The following DIP2B variants were observed in gnomAD, a reference collection of about 807,000 sequenced individuals.
DIP2B encodes the protein disco-interacting protein 2 homolog B.
Under a neutral mutation model 198.0 loss-of-function variants are expected in DIP2B, and 76 were observed. That is an observed-to-expected ratio of 0.38 (90% CI 0.32 to 0.46). The LOEUF (loss-of-function observed/expected upper bound fraction) is 0.46. Among genes scored for constraint, DIP2B ranks in the 20% least tolerant of loss-of-function variants. The pLI, the probability that DIP2B is intolerant of heterozygous loss-of-function variation, is 0.99. For synonymous variants in DIP2B, 701 were observed against 739.1 expected (o/e 0.95, Z 0.84); for missense variants, 1,559 against 1,978.4 (o/e 0.79, Z 4.02).
intron 2 of DIP2B, among the ~76,000 whole-genome samples, chr12:50,635,312 T>TTTTC (rs765761003): frequency 2.2e-4 from 34 of 152,332 alleles, no homozygotes; most frequent in Non-Finnish European, 3.7e-4. Context: ...ACCTTTCACA[T>TTTTC]TTTCTTTCTT....
At chr12:50,735,047 A>G (rs1940111932) in intron 33 of DIP2B, 26 bp from the exon 34 acceptor site, 4 of 1,613,882 alleles carry the variant, frequency 2.5e-6, no homozygotes, top group Admixed American at 1.7e-5. Context: ...AAAGCCCTAT[A>G]TATAGTAAAT....
intron 2 of DIP2B, among the ~76,000 whole-genome samples, chr12:50,628,366 G>A (rs1042821718): frequency 6.6e-6 from 1 of 151,952 alleles, no homozygotes; most frequent in Non-Finnish European, 1.5e-5. Context: ...GCAAGACTCC[G>A]TCTCAAAAAT....
In DIP2B at chr12:50,532,223, T is replaced by TA. The variant is rs1958224628; in HGVS notation, c.100+26985dup. 2.0e-5 allele frequency among the ~76,000 whole-genome samples: 3 copies of TA among 152,088 alleles called. No individual in the cohort carries two copies. The South Asian group carries it at 6.2e-4, about 31-fold the overall frequency. ...TTATGAGTATTCTCTGAGTTAAAAA[T>TA]AAGAGTGTTGGCCGGGTGCGGTGGC... On this transcript the variant is annotated intron_variant, in intron 1 of 37. Coordinates refer to ENST00000301180, the MANE Select transcript of DIP2B (RefSeq NM_173602.3).
intron 4 of DIP2B, among the ~76,000 whole-genome samples, chr12:50,665,200 C>A (rs1284993782): frequency 2.0e-5 from 3 of 152,042 alleles, no homozygotes; most frequent in Admixed American, 6.5e-5. Context: ...TCCTTTTAAC[C>A]TACTTTAATA....
chr12:50,531,923 A>G (rs946625504), intron 1 of DIP2B, among the ~76,000 whole-genome samples: 1 of 152,252 alleles, frequency 6.6e-6, no homozygotes, highest in Admixed American at 6.5e-5. Context: ...AATTATGTTA[A>G]GAAGGTAGAG....
At chr12:50,691,214 A>G (rs1206298739) in intron 13 of DIP2B, 63 bp downstream of exon 13, 10 of 1,380,116 alleles carry the variant, frequency 7.2e-6, no homozygotes, top group African/African-American at 2.9e-5. Flanking sequence ...TGTGAGCACA[A>G]TGCTCAGTGA....
chr12:50,568,060 G>C (rs908453690), intron 1 of DIP2B, among the ~76,000 whole-genome samples: 3 of 152,130 alleles, frequency 2.0e-5, no homozygotes, highest in Non-Finnish European at 2.9e-5. Context: ...GTTAAGTTCA[G>C]ATCTCGAGTT....
At chr12:50,643,556 C>G (rs1938298564) in intron 3 of DIP2B, among the ~76,000 whole-genome samples, 1 of 151,818 alleles carries the variant, frequency 6.6e-6, no homozygotes, top group Non-Finnish European at 1.5e-5. Context: ...GTCCTGCAAT[C>G]CTATCAGGAG....
intron 1 of DIP2B, among the ~76,000 whole-genome samples, chr12:50,536,899 G>A (rs1324945837): frequency 6.7e-6 from 1 of 149,782 alleles, no homozygotes; most frequent in Non-Finnish European, 1.5e-5. Context: ...CTGTCTTAAT[G>A]CAAGGCATAT....
At chr12:50,644,321 A>G (rs917821243) in intron 3 of DIP2B, among the ~76,000 whole-genome samples, 6 of 152,224 alleles carry the variant, frequency 3.9e-5, no homozygotes, top group African/African-American at 1.4e-4. Context: ...ATGGAAAGTG[A>G]TCTTATTGTA....
intron 1 of DIP2B, among the ~76,000 whole-genome samples, chr12:50,514,535 CTCTCA>C (rs1435810849): frequency 6.6e-6 from 1 of 152,186 alleles, no homozygotes; most frequent in Non-Finnish European, 1.5e-5. Flanking sequence ...CATGTTCTTA[CTCTCA>C]TCTCTTCTCT....
At chr12:50,574,990 CTTTAACAT>C (rs1203762469) in intron 1 of DIP2B, among the ~76,000 whole-genome samples, 1 of 152,152 alleles carries the variant, frequency 6.6e-6, no homozygotes, top group African/African-American at 2.4e-5. Flanking sequence ...TTCTGTTGTC[CTTTAACAT>C]TTTAAAATAT....
At chr12:50,520,591 A>G (rs1331370074) in intron 1 of DIP2B, among the ~76,000 whole-genome samples, 1 of 152,234 alleles carries the variant, frequency 6.6e-6, no homozygotes, top group Non-Finnish European at 1.5e-5. Context: ...CAAGAGAAGT[A>G]CTAGAAAATG....
chr12:50,703,169 A>T (rs1202872340), intron 19 of DIP2B, among the ~76,000 whole-genome samples: 1 of 151,316 alleles, frequency 6.6e-6, no homozygotes, highest in Non-Finnish European at 1.5e-5. Context: ...GCTGCAGTGA[A>T]TTATGATTGC....
intron 1 of DIP2B, among the ~76,000 whole-genome samples, chr12:50,570,197 A>G (rs1958600814): frequency 6.6e-6 from 1 of 152,148 alleles, no homozygotes. Context: ...TAAAATCTTG[A>G]TATCTTGAAA....
intron 1 of DIP2B, among the ~76,000 whole-genome samples, chr12:50,614,825 T>C (rs1937664828): frequency 6.6e-6 from 1 of 152,358 alleles, no homozygotes; most frequent in African/African-American, 2.4e-5. Context: ...AGCGACCTGC[T>C]TTTGCGATCC....
At chr12:50,714,890 G>GCGC (rs1452704902) in intron 23 of DIP2B, among the ~76,000 whole-genome samples, 1 of 152,162 alleles carries the variant, frequency 6.6e-6, no homozygotes, top group African/African-American at 2.4e-5. Context: ...AACCGAGATT[G>GCGC]CGCCATTGCA....
chr12:50,578,031 T>A (rs1362318185), intron 1 of DIP2B, among the ~76,000 whole-genome samples: 1 of 152,242 alleles, frequency 6.6e-6, no homozygotes, highest in Non-Finnish European at 1.5e-5. Flanking sequence ...ATTTTTTTCT[T>A]TTGAGACAGG....
chr12:50,520,598 A>G (rs1419591496), intron 1 of DIP2B, among the ~76,000 whole-genome samples: 2 of 152,210 alleles, frequency 1.3e-5, no homozygotes, highest in Non-Finnish European at 2.9e-5. Flanking sequence ...AGTACTAGAA[A>G]ATGAACATCC....
Sources: gnomAD v4.1 joint callset for allele counts (sites outside exome capture counted in the v4.1 genomes callset) on GRCh38, gnomAD v4.1.1 for gene constraint, MANE v1.5 for transcripts, NCBI Gene and HGNC (gene_info 2026-07-23, HGNC 2026-07-21) for gene names.